Variants in FSTL5 observed in about 807,000 individuals in gnomAD.
FSTL5 encodes follistatin-related protein 5.
A neutral mutation model predicts 89.1 loss-of-function variants in FSTL5; 62 were observed. The ratio of observed to expected loss-of-function variants is 0.70; its 90% CI spans 0.57 to 0.86. FSTL5 has a LOEUF of 0.86. Among genes scored for constraint, FSTL5 ranks in the 40% least tolerant of loss-of-function variants. The pLI is 0.00. For synonymous variants in FSTL5, 383 were observed against 346.2 expected (o/e 1.11, Z -1.18); for missense variants, 1,057 against 1,001.6 (o/e 1.06, Z -0.75).
At chr4:161,692,567 A>G (rs1261531110) in intron 6 of FSTL5, among the ~76,000 whole-genome samples, 1 of 152,108 alleles carries the variant, frequency 6.6e-6, no homozygotes, top group Non-Finnish European at 1.5e-5. Flanking sequence ...TGATTGGTGT[A>G]CTTATAAAAA....
intron 15 of FSTL5, among the ~76,000 whole-genome samples, chr4:161,438,756 T>C (rs765888960): frequency 2.6e-5 from 4 of 152,106 alleles, no homozygotes; most frequent in Admixed American, 6.6e-5. Context: ...TTGCAAATGA[T>C]TAATTTTTTT....
chr4:161,480,648 G>C (rs1211268516), intron 13 of FSTL5, among the ~76,000 whole-genome samples: 3 of 152,228 alleles, frequency 2.0e-5, no homozygotes, highest in Middle Eastern at 3.4e-3. Context: ...AATAAAATAA[G>C]GAGACCTCAA....
At chr4:161,888,710 T>C (rs1012173582) in intron 4 of FSTL5, among the ~76,000 whole-genome samples, 2 of 152,076 alleles carry the variant, frequency 1.3e-5, no homozygotes, top group African/African-American at 2.4e-5. Flanking sequence ...AATCAACTTT[T>C]ATACTTTAGG....
intron 1 of FSTL5, among the ~76,000 whole-genome samples, chr4:162,139,360 G>A (rs1031496343): frequency 1.3e-5 from 2 of 151,872 alleles, no homozygotes; most frequent in African/African-American, 2.4e-5. Flanking sequence ...CAATTGGAAG[G>A]GCCAAGAACA....
intron 8 of FSTL5, among the ~76,000 whole-genome samples, chr4:161,555,714 G>C (rs976704588): frequency 2.0e-5 from 3 of 151,518 alleles, no homozygotes; most frequent in African/African-American, 7.3e-5. Context: ...TGGACTAAAG[G>C]AAACACTCTC....
chr4:162,136,407 C>T (rs1169167825), intron 1 of FSTL5, among the ~76,000 whole-genome samples: 1 of 151,966 alleles, frequency 6.6e-6, no homozygotes, highest in African/African-American at 2.4e-5. Flanking sequence ...CATGAGAAAA[C>T]CAAACTACTT....
In FSTL5 at chr4:161,600,946, C is replaced by T. The variant is rs1734207276; in HGVS notation, c.895-13371G>A. On this transcript the variant is annotated intron_variant, in intron 7 of 15. Coordinates refer to ENST00000306100, the MANE Select transcript of FSTL5 (RefSeq NM_020116.5). ...CTGACTATCCTCAAATCCCAGGAAC[C>T]CTGGTGCCTCTAGAAAGAGACAAGA... Among the ~76,000 whole-genome samples, 3 of 152,194 alleles carry T rather than the reference C, an allele frequency of 2.0e-5. No homozygotes were observed. The South Asian group carries it at 6.2e-4, about 32-fold the overall frequency.
intron 7 of FSTL5, among the ~76,000 whole-genome samples, chr4:161,596,699 G>A (rs17401627): frequency 0.17 from 26,450 of 151,984 alleles, 2,813 homozygotes; most frequent in Non-Finnish European, 0.22. Context: ...GGATCACGAA[G>A]TTTTATAAAT....
At chr4:161,486,572 C>A (rs1168996899) in intron 12 of FSTL5, among the ~76,000 whole-genome samples, 1 of 152,062 alleles carries the variant, frequency 6.6e-6, no homozygotes, top group Non-Finnish European at 1.5e-5. Context: ...GCTTCTCTAC[C>A]AATCAGGTTC....
intron 4 of FSTL5, among the ~76,000 whole-genome samples, chr4:161,868,880 T>A (rs1732173262): frequency 6.6e-6 from 1 of 152,208 alleles, no homozygotes; most frequent in South Asian, 2.1e-4. Flanking sequence ...TAGAAAGCCG[T>A]ATCCTTATAT....
chr4:161,581,401 C>T (rs889979272), intron 8 of FSTL5, among the ~76,000 whole-genome samples: 10 of 152,344 alleles, frequency 6.6e-5, no homozygotes, highest in African/African-American at 2.4e-4. Flanking sequence ...GAGACCTCTT[C>T]CTGCTTTGTA....
Position 161,422,527 on chromosome 4 carries a change from GAGA to G in FSTL5, c.1841+32474_1841+32476del, listed in dbSNP as rs1028622843. Among the ~76,000 whole-genome samples, 34 of 152,294 alleles carry G rather than the reference GAGA, an allele frequency of 2.2e-4. 1 individual carries two copies. The East Asian group carries it at 3.9e-3, about 17-fold the overall frequency. ...ACTAGGAAGTTTTGGAATGATCATA[GAGA>G]AGGTGATGATGGTGCCAAGAGAACT... On this transcript the variant is annotated intron_variant, in intron 15 of 15. Coordinates refer to ENST00000306100, the MANE Select transcript of FSTL5 (RefSeq NM_020116.5).
intron 3 of FSTL5, among the ~76,000 whole-genome samples, chr4:162,024,566 A>G (rs1737209886): frequency 6.6e-6 from 1 of 152,216 alleles, no homozygotes; most frequent in Non-Finnish European, 1.5e-5. Context: ...TTCTAAATGT[A>G]GCAGTAGTTA....
At chr4:161,630,135 CCTCCG>C (rs1235078170) in intron 7 of FSTL5, among the ~76,000 whole-genome samples, 4 of 152,174 alleles carry the variant, frequency 2.6e-5, no homozygotes, top group Non-Finnish European at 5.9e-5. Flanking sequence ...CCTTCCTGCC[CCTCCG>C]TTCCAGGTCC....
chr4:161,502,986 C>G (rs1042932271), intron 11 of FSTL5, among the ~76,000 whole-genome samples: 1 of 151,334 alleles, frequency 6.6e-6, no homozygotes, highest in Non-Finnish European at 1.5e-5. Flanking sequence ...TATTTTTTGA[C>G]AAGTGTAGGG....
chr4:161,413,170 G>T (rs1362974784), intron 15 of FSTL5, among the ~76,000 whole-genome samples: 5 of 147,668 alleles, frequency 3.4e-5, no homozygotes, highest in African/African-American at 1.3e-4. Flanking sequence ...ATCTGACAAA[G>T]GCTTAATATT....
rs554629928 is a variant in FSTL5 at position 162,077,841 on chromosome 4, TAA to T, written c.126+33428_126+33429del. On this transcript the variant is annotated intron_variant, in intron 2 of 15. Coordinates refer to ENST00000306100, the MANE Select transcript of FSTL5 (RefSeq NM_020116.5). ...CTAAATTAATTAATACTGAGAGTTC[TAA>T]AGTTTCTTAATATATTGCAATATAT... is the stretch of plus-strand genomic sequence containing the variant. Among the ~76,000 whole-genome samples the T allele has an allele frequency of 3.4e-4, 51 of 151,948 alleles. 1 individual carries two copies. The South Asian group carries it at 0.01, about 31-fold the overall frequency.
intron 6 of FSTL5, among the ~76,000 whole-genome samples, chr4:161,707,740 A>G (rs960945275): frequency 2.0e-5 from 3 of 152,068 alleles, no homozygotes; most frequent in Middle Eastern, 3.4e-3. Context: ...AAACAATCAT[A>G]ACTAATCATC....
intron 15 of FSTL5, among the ~76,000 whole-genome samples, chr4:161,424,462 G>T (rs1578962812): frequency 6.7e-6 from 1 of 149,002 alleles, no homozygotes. Flanking sequence ...TTTCTTAAAT[G>T]TTTCCTGTAG....
Sources: allele counts gnomAD v4.1 joint callset (sites outside exome capture counted in the v4.1 genomes callset), GRCh38; gene constraint gnomAD v4.1.1; transcripts MANE v1.5; gene names NCBI Gene and HGNC (gene_info 2026-07-23, HGNC 2026-07-21).